TTLL6: variants seen among roughly 807,000 people sequenced by gnomAD.
TTLL6 encodes tubulin polyglutamylase TTLL6.
Under a neutral mutation model 96.4 loss-of-function variants are expected in TTLL6, and 75 were observed. The ratio of observed to expected loss-of-function variants is 0.78; its 90% CI spans 0.65 to 0.94. TTLL6 has a LOEUF of 0.94. TTLL6 is among the 40% of genes least tolerant of loss of function. The pLI, the probability that TTLL6 is intolerant of heterozygous loss-of-function variation, is 0.00. For missense variants in TTLL6, 1,030 were observed against 1,093.0 expected (o/e 0.94, Z 0.81); for synonymous variants, 411 against 419.4 (o/e 0.98, Z 0.24).
chr17:48,767,202 C>T (rs72831855), intron 15 of TTLL6, among the ~76,000 whole-genome samples: 5,266 of 152,242 alleles, frequency 0.035, 152 homozygotes, highest in Non-Finnish European at 0.049. Flanking sequence ...CGTGCCTGAC[C>T]TATTACCCAT....
At chr17:48,788,239 C>T (rs1176010698) in intron 10 of TTLL6, among the ~76,000 whole-genome samples, 5 of 152,222 alleles carry the variant, frequency 3.3e-5, no homozygotes, top group Admixed American at 1.3e-4. Flanking sequence ...AACAACTCAC[C>T]AAATTCTGTC....
intron 1 of TTLL6, among the ~76,000 whole-genome samples, chr17:48,808,457 A>G (rs2039536564): frequency 6.6e-6 from 1 of 152,138 alleles, no homozygotes; most frequent in Non-Finnish European, 1.5e-5. Flanking sequence ...GTTGCTTCCC[A>G]GAGGGATTGC....
intron 1 of TTLL6, among the ~76,000 whole-genome samples, chr17:48,807,301 G>A (rs952505271): frequency 6.6e-6 from 1 of 151,492 alleles, no homozygotes; most frequent in African/African-American, 2.4e-5. Flanking sequence ...ATGTTGGTCA[G>A]GCTGGTCTCA....
chr17:48,787,806 C>A lies in TTLL6; in HGVS notation c.1589+5G>T. 6.2e-7 allele frequency: 1 copy of A among 1,612,702 alleles called. No homozygotes were observed. Among genetic ancestry groups the A allele is most frequent in the South Asian group, 1.1e-5 (1 of 90,876 alleles). ...CCACCGACCTCATCCCGGATGTCTT[C>A]CTACCGGGCATACTCCTCCCGAGCC... On this transcript the variant is annotated splice_donor_5th_base_variant and intron_variant, in intron 11 of 15. Coordinates refer to ENST00000393382, the MANE Select transcript of TTLL6 (RefSeq NM_001130918.3).
rs1488467855 is a variant in TTLL6, at chr17:48,814,638, C to G, written c.103+2332G>C. On this transcript the variant is annotated intron_variant, in intron 1 of 15. Transcript: ENST00000393382. ...GGGAATGAGCACTGGGACGGGTCCA[C>G]TGGGACGGGTCCATTGCGGGTTATT... 2.0e-5 allele frequency among the ~76,000 whole-genome samples: 3 copies of G among 152,184 alleles called. No individual in the cohort carries two copies. The East Asian group carries it at 5.8e-4, about 29-fold the overall frequency.
At chr17:48,804,361 G>C in intron 2 of TTLL6, 1 of 484,454 alleles carries the variant, frequency 2.1e-6, no homozygotes, top group Non-Finnish European at 4.1e-6. Flanking sequence ...ATGGAGCAAG[G>C]CATGGTGAAA....
At chr17:48,768,118 C>A (rs1181662317) in intron 15 of TTLL6, among the ~76,000 whole-genome samples, 1 of 151,790 alleles carries the variant, frequency 6.6e-6, no homozygotes, top group Non-Finnish European at 1.5e-5. Flanking sequence ...TTTTTGGAGA[C>A]AGAGTGCTGC....
chr17:48,794,967 C>G (rs567428199), intron 8 of TTLL6, among the ~76,000 whole-genome samples: 2 of 152,190 alleles, frequency 1.3e-5, no homozygotes, highest in Non-Finnish European at 1.5e-5. Context: ...GGAGATGGCA[C>G]CTAACTCACA....
chr17:48,807,684 A>G (rs2039523885), intron 1 of TTLL6, among the ~76,000 whole-genome samples: 1 of 148,768 alleles, frequency 6.7e-6, no homozygotes, highest in South Asian at 2.1e-4. Context: ...GCTAACTTTT[A>G]TATTTTTAGT....
intron 9 of TTLL6, 111 bp from the exon 10 acceptor site, chr17:48,790,217 C>T (rs1010399339): frequency 7.7e-6 from 9 of 1,162,106 alleles, no homozygotes; most frequent in Non-Finnish European, 1.1e-5. Flanking sequence ...AGGGCCCTCA[C>T]TACCAAGATG....
chr17:48,814,785 ATCTT>A (rs1199432658), intron 1 of TTLL6, among the ~76,000 whole-genome samples: 1 of 151,940 alleles, frequency 6.6e-6, no homozygotes, highest in Non-Finnish European at 1.5e-5. Context: ...GCTTTCTTTT[ATCTT>A]TCTTTCTTTC....
At chr17:48,782,544 A>G (rs1338384117) in intron 13 of TTLL6, among the ~76,000 whole-genome samples, 1 of 152,140 alleles carries the variant, frequency 6.6e-6, no homozygotes, top group Non-Finnish European at 1.5e-5. Context: ...TCAGTTTGAC[A>G]TGGTCTCATT....
chr17:48,777,391 T>C (rs7208921), intron 13 of TTLL6, among the ~76,000 whole-genome samples: 46,263 of 151,760 alleles, frequency 0.3, 7,295 homozygotes, highest in Admixed American at 0.41. Flanking sequence ...GGTCAGGAGT[T>C]CGAGACCAGC....
intron 1 of TTLL6, among the ~76,000 whole-genome samples, chr17:48,808,634 T>C (rs1432473584): frequency 6.6e-6 from 1 of 152,206 alleles, no homozygotes; most frequent in African/African-American, 2.4e-5. Context: ...AGTGGTGCAA[T>C]CTCAGCTCAC....
chr17:48,799,683 C>T lies in TTLL6; in HGVS notation c.689G>A (p.Gly230Glu). Residue 230 changes from glycine (G) to glutamate (E), a missense_variant, in exon 6 of 16, where the codon GGG becomes GAG. Physicochemically the swap from Gly to Glu is moderately conservative, Grantham distance 98. Coordinates refer to ENST00000393382, the MANE Select transcript of TTLL6 (RefSeq NM_001130918.3). ...TGTCCGGGTGATGAATATACCTTTC[C>T]CTTGGCAGCCCGAATCCGGCTTACA... is the stretch of plus-strand genomic sequence containing the variant. ...YICKPDSGCQ[G>E]KGIFITRTVK... The T allele has an allele frequency of 6.4e-7, 1 of 1,551,802 alleles. No individual in the cohort carries two copies. Among genetic ancestry groups the T allele is most frequent in the Non-Finnish European group, 8.7e-7 (1 of 1,147,012 alleles).
rs370846738 is a variant in TTLL6, at chr17:48,782,901, C to T, written c.2040+2022G>A. 9.9e-5 allele frequency among the ~76,000 whole-genome samples: 15 copies of T among 151,444 alleles called. No homozygotes were observed. In the East Asian group the frequency reaches 1.2e-3, roughly 12 times the overall value. On this transcript the variant is annotated intron_variant, in intron 13 of 15. Coordinates refer to ENST00000393382, the MANE Select transcript of TTLL6 (RefSeq NM_001130918.3). ...GCTAATTTTTGTATTTTTGTAGAGA[C>T]GGGGTTTCATCATGTTGCCGAGGCT...
intron 13 of TTLL6, among the ~76,000 whole-genome samples, chr17:48,777,025 C>T (rs997881960): frequency 6.6e-6 from 1 of 151,364 alleles, no homozygotes; most frequent in Non-Finnish European, 1.5e-5. Context: ...CACACACACA[C>T]ACACACACAC....
intron 15 of TTLL6, chr17:48,765,470 T>C (rs2038582885): frequency 6.6e-6 from 1 of 152,192 alleles, no homozygotes; most frequent in African/African-American, 2.4e-5. Context: ...AAAATATTTA[T>C]CTAGAAGAGT....
chr17:48,775,047 T>C (rs2038843297), intron 13 of TTLL6, among the ~76,000 whole-genome samples: 1 of 149,834 alleles, frequency 6.7e-6, no homozygotes, highest in African/African-American at 2.5e-5. Context: ...GGCAGGAGAA[T>C]TGATTGAACC....
Sources: gnomAD v4.1 joint callset for allele counts (sites outside exome capture counted in the v4.1 genomes callset) on GRCh38, gnomAD v4.1.1 for gene constraint, MANE v1.5 for transcripts, NCBI Gene and HGNC (gene_info 2026-07-23, HGNC 2026-07-21) for gene names.